CEPT1: variants seen among roughly 807,000 people sequenced by gnomAD.
CEPT1 encodes the protein choline/ethanolaminephosphotransferase 1.
Under a neutral mutation model 42.6 loss-of-function variants are expected in CEPT1, and 7 were observed. The observed-to-expected ratio is 0.16, with a 90% CI of 0.09 to 0.31. The LOEUF is 0.31. Ranked by LOEUF, CEPT1 falls within the 10% of genes least tolerant of loss-of-function variation. The pLI is 1.00. For synonymous variants in CEPT1, 171 were observed against 171.9 expected (o/e 0.99, Z 0.04); for missense variants, 306 against 502.1 (o/e 0.61, Z 3.73).
intron 1 of CEPT1, among the ~76,000 whole-genome samples, chr1:111,141,200 A>C (rs1211455155): frequency 6.6e-6 from 1 of 152,254 alleles, no homozygotes; most frequent in Non-Finnish European, 1.5e-5. Context: ...GAATATGTCC[A>C]GTCCGTAGAT....
intron 2 of CEPT1, among the ~76,000 whole-genome samples, chr1:111,149,434 TG>T (rs1305777230): frequency 6.6e-6 from 1 of 152,082 alleles, no homozygotes; most frequent in Non-Finnish European, 1.5e-5. Context: ...GGCTAATTTT[TG>T]TATTTGTAGT....
At chr1:111,143,842 A>G (rs1219303799) in intron 1 of CEPT1, among the ~76,000 whole-genome samples, 3 of 152,004 alleles carry the variant, frequency 2.0e-5, no homozygotes, top group East Asian at 1.9e-4. Context: ...GGCTCAAGCA[A>G]TCCTCCCAAC....
At chr1:111,140,908 CAA>C (rs1654481596) in intron 1 of CEPT1, among the ~76,000 whole-genome samples, 1 of 152,158 alleles carries the variant, frequency 6.6e-6, no homozygotes, top group Non-Finnish European at 1.5e-5. Flanking sequence ...GAGAAATAAC[CAA>C]AAGAGTTGCT....
At chr1:111,178,538 A>G (rs561706897) in intron 5 of CEPT1, 1 of 152,178 alleles carries the variant, frequency 6.6e-6, no homozygotes, top group African/African-American at 2.4e-5. Context: ...TGCAAGAAAC[A>G]AAAAGCATAT....
intron 2 of CEPT1, among the ~76,000 whole-genome samples, chr1:111,153,728 C>T (rs1442434685): frequency 6.6e-6 from 1 of 152,148 alleles, no homozygotes; most frequent in East Asian, 1.9e-4. Context: ...ATCCTTTCCC[C>T]ACTCTATGTT....
intron 2 of CEPT1, among the ~76,000 whole-genome samples, chr1:111,159,034 CT>C (rs1655732121): frequency 6.7e-6 from 1 of 148,916 alleles, no homozygotes; most frequent in Non-Finnish European, 1.5e-5. Flanking sequence ...CTGCCTCAGC[CT>C]CCCAAGTAGC....
chr1:111,163,910 G>A (rs1656001038), intron 4 of CEPT1, among the ~76,000 whole-genome samples: 1 of 152,118 alleles, frequency 6.6e-6, no homozygotes, highest in African/African-American at 2.4e-5. Context: ...GCAGATTTAA[G>A]TACCTTAGGA....
At chr1:111,167,844 T>C in intron 4 of CEPT1, 1 of 736,974 alleles carries the variant, frequency 1.4e-6, no homozygotes, top group African/African-American at 1.9e-5. Flanking sequence ...TTCTTTTCAG[T>C]AAATACATAT....
intron 4 of CEPT1, chr1:111,173,383 C>T (rs1656517547): frequency 6.6e-6 from 1 of 152,064 alleles, no homozygotes; most frequent in Admixed American, 6.6e-5. Context: ...CATTCTTGGG[C>T]AAACAAAGAC....
chr1:111,160,213 C>A (rs953636590), intron 3 of CEPT1: 1 of 152,044 alleles, frequency 6.6e-6, no homozygotes, highest in African/African-American at 2.4e-5. Flanking sequence ...CACTGTTTTG[C>A]AAGTTTTTAA....
rs112574186 is a variant in CEPT1, at chr1:111,140,786, A to G, written c.-74+479A>G. ...GTCTCCCCTTAGGAATGCGGTGCTGATGTTTGTGGCTGGGACGCGCTTCTG... is the reference window on the plus strand; with the variant it reads ...GTCTCCCCTTAGGAATGCGGTGCTGGTGTTTGTGGCTGGGACGCGCTTCTG... On this transcript the variant is annotated intron_variant, in intron 1 of 8. Coordinates refer to ENST00000357172, the MANE Select transcript of CEPT1 (RefSeq NM_006090.5). Among the ~76,000 whole-genome samples the G allele has an allele frequency of 7.0e-3, 1,060 of 152,198 alleles. 10 individuals carry two copies. The highest frequency in any genetic ancestry group is 0.024 in the African/African-American group (1,001 of 41,496).
intron 1 of CEPT1, among the ~76,000 whole-genome samples, chr1:111,141,395 A>C (rs182250993): frequency 1.3e-5 from 2 of 152,234 alleles, no homozygotes; most frequent in African/African-American, 4.8e-5. Context: ...TTTCCAACAC[A>C]TTTAAGAAAT....
chr1:111,148,782 T>C (rs1316996536), intron 2 of CEPT1, among the ~76,000 whole-genome samples: 4 of 152,222 alleles, frequency 2.6e-5, no homozygotes, highest in Admixed American at 1.3e-4. Flanking sequence ...ATTTCTTTGG[T>C]TTTAAAATAT....
In CEPT1 at chr1:111,184,506, T is replaced by C; in HGVS notation, c.*196T>C. 2 of 448,886 alleles carry C rather than the reference T, an allele frequency of 4.5e-6. No individual in the cohort carries two copies. The highest frequency in any genetic ancestry group is 6.3e-5 in the South Asian group (2 of 31,564). 27.8% of individuals were successfully genotyped at this position (448,886 alleles called of 1,614,324 possible). ...TTCAAGTCCCATCTTGTAAATTGTA[T>C]ATGTTGTCATGCAGGGTTTGGGCCA... is the stretch of plus-strand genomic sequence containing the variant. On this transcript the variant is annotated 3_prime_UTR_variant, in exon 9 of 9. Transcript: ENST00000357172.
intron 4 of CEPT1, among the ~76,000 whole-genome samples, chr1:111,171,438 C>T (rs1400303731): frequency 6.6e-6 from 1 of 152,180 alleles, no homozygotes; most frequent in Non-Finnish European, 1.5e-5. Context: ...ACACTTTATT[C>T]TCTTAATCAG....
At chr1:111,167,566 A>G (rs1454745966) in intron 4 of CEPT1, 1 of 956,140 alleles carries the variant, frequency 1.0e-6, no homozygotes, top group Non-Finnish European at 1.2e-6. Context: ...TTCTTAGGTA[A>G]GGAAGTTGAG....
chr1:111,172,299 G>C (rs1656458934), intron 4 of CEPT1, among the ~76,000 whole-genome samples: 1 of 151,636 alleles, frequency 6.6e-6, no homozygotes, highest in Non-Finnish European at 1.5e-5. Context: ...TGGTAGTAGT[G>C]GTCAGTTTCT....
At chr1:111,169,588 A>G (rs1557936255) in intron 4 of CEPT1, among the ~76,000 whole-genome samples, 1 of 152,178 alleles carries the variant, frequency 6.6e-6, no homozygotes, top group Non-Finnish European at 1.5e-5. Context: ...TTCTCTGTAT[A>G]TACTGTATTT....
intron 1 of CEPT1, among the ~76,000 whole-genome samples, chr1:111,146,901 G>A (rs576336320): frequency 2.0e-4 from 30 of 150,302 alleles, no homozygotes; most frequent in Non-Finnish European, 3.0e-4. Flanking sequence ...CGAGAATACC[G>A]TCTATATTCG....
Sources: allele counts gnomAD v4.1 joint callset (sites outside exome capture counted in the v4.1 genomes callset), GRCh38; gene constraint gnomAD v4.1.1; transcripts MANE v1.5; gene names NCBI Gene and HGNC (gene_info 2026-07-23, HGNC 2026-07-21).